Variants in AUTS2 observed in about 807,000 individuals in gnomAD.
The protein encoded by AUTS2 is activator of transcription and developmental regulator AUTS2, also known as autism susceptibility gene 2 protein.
A neutral mutation model predicts 112.4 loss-of-function variants in AUTS2; 17 were observed. That is an observed-to-expected ratio of 0.15 (90% CI 0.10 to 0.23). The LOEUF (loss-of-function observed/expected upper bound fraction) is 0.23, where lower values mean the gene tolerates loss of function less well. Ranked by LOEUF, AUTS2 falls within the 10% of genes least tolerant of loss-of-function variation. AUTS2 has a pLI of 1.00. For synonymous variants in AUTS2, 751 were observed against 702.7 expected, an observed-to-expected ratio of 1.07 and a Z score of -1.09; for missense variants, 1,510 against 1,701.6, an observed-to-expected ratio of 0.89 and a Z score of 1.98.
chr7:69,681,594 T>G (rs1796799989), intron 1 of AUTS2, among the ~76,000 whole-genome samples: 1 of 152,200 alleles, frequency 6.6e-6, no homozygotes, highest in African/African-American at 2.4e-5. Flanking sequence ...TTGATAGACT[T>G]AGGCTGCAAT....
At chr7:70,038,724 G>A (rs1442128397) in intron 2 of AUTS2, among the ~76,000 whole-genome samples, 2 of 152,020 alleles carry the variant, frequency 1.3e-5, no homozygotes, top group Non-Finnish European at 2.9e-5. Flanking sequence ...AAAGCCATGT[G>A]AGTTTGGGAA....
intron 5 of AUTS2, among the ~76,000 whole-genome samples, chr7:70,511,724 C>T (rs939125178): frequency 2.6e-5 from 4 of 151,768 alleles, no homozygotes; most frequent in African/African-American, 4.8e-5. Flanking sequence ...TACAAGCATG[C>T]GCCACCATGC....
At chr7:70,608,305 A>C (rs1010159425) in intron 5 of AUTS2, among the ~76,000 whole-genome samples, 2 of 151,940 alleles carry the variant, frequency 1.3e-5, no homozygotes, top group African/African-American at 2.4e-5. Context: ...GGGTCTCACT[A>C]TGTTGCCCAG....
At chr7:70,426,227 C>A (rs1034629429) in intron 4 of AUTS2, among the ~76,000 whole-genome samples, 6 of 152,160 alleles carry the variant, frequency 3.9e-5, no homozygotes, top group Non-Finnish European at 5.9e-5. Context: ...GCTTTGGCTT[C>A]CTGAGTCTTA....
intron 4 of AUTS2, among the ~76,000 whole-genome samples, chr7:70,268,076 G>T (rs187587036): frequency 1.3e-5 from 2 of 152,314 alleles, no homozygotes; most frequent in East Asian, 3.9e-4. Context: ...GGCATCTATT[G>T]CTGGGAACTT....
intron 5 of AUTS2, among the ~76,000 whole-genome samples, chr7:70,541,246 G>C (rs1800540952): frequency 6.6e-6 from 1 of 152,072 alleles, no homozygotes; most frequent in African/African-American, 2.4e-5. Flanking sequence ...CTGATTTGTT[G>C]TTCTGTTTGT....
intron 2 of AUTS2, among the ~76,000 whole-genome samples, chr7:69,948,022 G>A (rs572644517): frequency 2.9e-4 from 44 of 152,132 alleles, no homozygotes; most frequent in African/African-American, 8.0e-4. Context: ...TTATTATTTC[G>A]CGAAGTCCTA....
At chr7:70,542,866 C>G (rs1800609577) in intron 5 of AUTS2, among the ~76,000 whole-genome samples, 1 of 152,176 alleles carries the variant, frequency 6.6e-6, no homozygotes, top group Admixed American at 6.5e-5. Flanking sequence ...ATGGCATCAA[C>G]TCCCTGACCT....
chr7:70,709,675 A>G (rs915514193), intron 6 of AUTS2, among the ~76,000 whole-genome samples: 12 of 152,196 alleles, frequency 7.9e-5, no homozygotes, highest in Non-Finnish European at 1.8e-4. Context: ...AGGCGCTACC[A>G]CACTCCAGCC....
At chr7:70,003,616 A>T (rs1409472305) in intron 2 of AUTS2, among the ~76,000 whole-genome samples, 1 of 120,298 alleles carries the variant, frequency 8.3e-6, no homozygotes, top group Non-Finnish European at 1.6e-5. Context: ...TGAATGTGTT[A>T]TATATGAGTA....
At chr7:70,705,634 C>T (rs1809696271) in intron 6 of AUTS2, among the ~76,000 whole-genome samples, 2 of 152,258 alleles carry the variant, frequency 1.3e-5, no homozygotes, top group South Asian at 2.1e-4. Context: ...TTTCCCCCTT[C>T]GCCTCCTCCA....
intron 1 of AUTS2, among the ~76,000 whole-genome samples, chr7:69,717,639 G>A (rs1019977840): frequency 7.9e-5 from 12 of 152,250 alleles, no homozygotes; most frequent in Non-Finnish European, 1.6e-4. Flanking sequence ...CTATTGTTTG[G>A]GAAACTATTC....
chr7:70,693,731 A>G (rs891788053), intron 5 of AUTS2, among the ~76,000 whole-genome samples: 1 of 152,188 alleles, frequency 6.6e-6, no homozygotes, highest in Admixed American at 6.5e-5. Context: ...CTTGGTGGCA[A>G]TTCAACCCCA....
chr7:70,084,190 T>G (rs990856600), intron 2 of AUTS2, among the ~76,000 whole-genome samples: 7 of 152,222 alleles, frequency 4.6e-5, no homozygotes, highest in Non-Finnish European at 1.0e-4. Context: ...GTTTGTCCTT[T>G]TTTTTGGAGG....
chr7:70,204,918 C>A (rs1362459016), intron 4 of AUTS2, among the ~76,000 whole-genome samples: 1 of 151,930 alleles, frequency 6.6e-6, no homozygotes, highest in East Asian at 1.9e-4. Flanking sequence ...AAGACTAATA[C>A]TTTAAAATTT....
chr7:69,844,236 T>G (rs1792100757), intron 1 of AUTS2, among the ~76,000 whole-genome samples: 2 of 152,222 alleles, frequency 1.3e-5, no homozygotes, highest in African/African-American at 4.8e-5. Flanking sequence ...AGGAGATTTT[T>G]AAATGAAATA....
intron 4 of AUTS2, among the ~76,000 whole-genome samples, chr7:70,304,769 G>T (rs187694540): frequency 0.011 from 1,367 of 128,568 alleles, 58 homozygotes; most frequent in Admixed American, 0.097. Flanking sequence ...TTTCCTTAGA[G>T]TGTCATGTGA....
At chr7:69,675,482 T>A (rs1369791478) in intron 1 of AUTS2, among the ~76,000 whole-genome samples, 3 of 151,566 alleles carry the variant, frequency 2.0e-5, no homozygotes, top group Admixed American at 2.0e-4. Context: ...TGTGATCATT[T>A]CTCAGGGTGG....
In AUTS2 at chr7:70,779,700, G is replaced by A. The variant is rs1310095042; in HGVS notation, c.2005-1915G>A. 2.6e-5 allele frequency among the ~76,000 whole-genome samples: 4 copies of A among 152,140 alleles called. No individual in the cohort carries two copies. In the East Asian group the frequency reaches 7.7e-4, roughly 29 times the overall value. ...GGAGATTGAGCTGAGGCTAGAATGG[G>A]GCTAAAGGGGCTGAGAGCATCAGAT... is the stretch of plus-strand genomic sequence containing the variant. On this transcript the variant is annotated intron_variant, in intron 14 of 18. Transcript: ENST00000342771.
Sources: gnomAD v4.1 joint callset for allele counts (sites outside exome capture counted in the v4.1 genomes callset) on GRCh38, gnomAD v4.1.1 for gene constraint, MANE v1.5 for transcripts, NCBI Gene and HGNC (gene_info 2026-07-23, HGNC 2026-07-21) for gene names.